RBMS1: variants seen among roughly 807,000 people sequenced by gnomAD.
The protein encoded by RBMS1 is RNA binding motif single stranded interacting protein 1, also known as RNA-binding motif, single-stranded-interacting protein 1.
A neutral mutation model predicts 62.3 loss-of-function variants in RBMS1; 17 were observed. The ratio of observed to expected loss-of-function variants is 0.27; its 90% CI spans 0.19 to 0.41. The LOEUF (loss-of-function observed/expected upper bound fraction) is 0.41, where lower values mean the gene tolerates loss of function less well. Ranked by LOEUF, RBMS1 falls within the 10% of genes least tolerant of loss-of-function variation. The pLI is 1.00. For synonymous variants in RBMS1, 172 were observed against 170.0 expected (o/e 1.01, Z -0.09); for missense variants, 334 against 504.5 (o/e 0.66, Z 3.24).
intron 1 of RBMS1, among the ~76,000 whole-genome samples, chr2:160,434,548 T>C (rs1412297823): frequency 6.6e-6 from 1 of 151,822 alleles, no homozygotes; most frequent in Non-Finnish European, 1.5e-5. Flanking sequence ...TGCTATCCAT[T>C]AGAATTTTCT....
At chr2:160,366,760 G>C (rs1693419600) in intron 2 of RBMS1, among the ~76,000 whole-genome samples, 1 of 152,080 alleles carries the variant, frequency 6.6e-6, no homozygotes, top group Non-Finnish European at 1.5e-5. Context: ...ATGCTAATGG[G>C]GACAGACTAA....
chr2:160,463,988 A>G (rs1684576010), intron 1 of RBMS1, among the ~76,000 whole-genome samples: 2 of 152,224 alleles, frequency 1.3e-5, no homozygotes. Flanking sequence ...ACTTAAAAAA[A>G]CACACATACA....
intron 2 of RBMS1, among the ~76,000 whole-genome samples, chr2:160,320,439 C>T (rs1002272216): frequency 1.3e-5 from 2 of 152,180 alleles, no homozygotes; most frequent in African/African-American, 4.8e-5. Context: ...CGTCACTGCA[C>T]TCCAGTCTGG....
At chr2:160,396,779 G>T (rs1261412246) in intron 1 of RBMS1, among the ~76,000 whole-genome samples, 2 of 151,960 alleles carry the variant, frequency 1.3e-5, no homozygotes, top group Admixed American at 1.3e-4. Context: ...TGGTCAGGCT[G>T]GTCTCGAACT....
chr2:160,457,235 A>G, intron 1 of RBMS1, among the ~76,000 whole-genome samples: 1 of 151,880 alleles, frequency 6.6e-6, no homozygotes, highest in Non-Finnish European at 1.5e-5. Flanking sequence ...GGTTCAAGTG[A>G]TTATCCTGCC....
At chr2:160,277,920 C>T (rs1687919283) in intron 11 of RBMS1, 1 of 157,690 alleles carries the variant, frequency 6.3e-6, no homozygotes, top group Admixed American at 6.0e-5. Context: ...ATATGTGTGG[C>T]CCTGGCTTAG....
intron 1 of RBMS1, among the ~76,000 whole-genome samples, chr2:160,369,143 A>G (rs940207824): frequency 1.3e-5 from 2 of 152,220 alleles, no homozygotes; most frequent in African/African-American, 4.8e-5. Flanking sequence ...TTGAACTGGG[A>G]ACATCGGTAT....
At chr2:160,287,419 A>T (rs1359140521) in intron 6 of RBMS1, among the ~76,000 whole-genome samples, 1 of 152,076 alleles carries the variant, frequency 6.6e-6, no homozygotes, top group Non-Finnish European at 1.5e-5. Context: ...ATAATCTTCA[A>T]ATTCAATAGG....
intron 2 of RBMS1, among the ~76,000 whole-genome samples, chr2:160,345,447 T>A (rs1303106176): frequency 1.4e-5 from 2 of 144,092 alleles, no homozygotes; most frequent in Non-Finnish European, 3.1e-5. Flanking sequence ...AGACCTGAAG[T>A]AGAGATTAGA....
At chr2:160,372,949 T>C (rs1268699501) in intron 1 of RBMS1, among the ~76,000 whole-genome samples, 1 of 152,150 alleles carries the variant, frequency 6.6e-6, no homozygotes, top group Non-Finnish European at 1.5e-5. Context: ...GTCTCACTTA[T>C]ACATACCATG....
chr2:160,436,807 T>A (rs1683130310), intron 1 of RBMS1, among the ~76,000 whole-genome samples: 1 of 152,168 alleles, frequency 6.6e-6, no homozygotes, highest in Non-Finnish European at 1.5e-5. Context: ...TCCTGCTACA[T>A]TCGTCCCATT....
intron 1 of RBMS1, among the ~76,000 whole-genome samples, chr2:160,401,437 T>TA (rs1450399700): frequency 3.9e-5 from 6 of 152,338 alleles, no homozygotes; most frequent in African/African-American, 1.4e-4. Context: ...CACCTTATCC[T>TA]AATTCCAGGA....
chr2:160,311,232 C>CTATCTATATATATATA (rs1381483574), intron 4 of RBMS1, among the ~76,000 whole-genome samples: 2 of 79,256 alleles, frequency 2.5e-5, no homozygotes, highest in Non-Finnish European at 5.0e-5. Flanking sequence ...ATCTATCTAT[C>CTATCTATATATATATA]TATATATATA....
chr2:160,398,729 G>A (rs543829146), intron 1 of RBMS1, among the ~76,000 whole-genome samples: 1 of 152,196 alleles, frequency 6.6e-6, no homozygotes, highest in African/African-American at 2.4e-5. Context: ...TAGAAAGGCT[G>A]GGTTTTTCCT....
At chr2:160,453,383 C>A (rs1404169340) in intron 1 of RBMS1, among the ~76,000 whole-genome samples, 1 of 152,162 alleles carries the variant, frequency 6.6e-6, no homozygotes, top group African/African-American at 2.4e-5. Flanking sequence ...AAAAGCATTT[C>A]CCCTTGACTC....
intron 1 of RBMS1, among the ~76,000 whole-genome samples, chr2:160,483,797 A>G (rs1045407048): frequency 6.6e-6 from 1 of 152,008 alleles, no homozygotes; most frequent in Non-Finnish European, 1.5e-5. Flanking sequence ...ACACTTTGAA[A>G]CTGTTCAGAC....
At chr2:160,491,484 G>A (rs1299530355) in intron 1 of RBMS1, among the ~76,000 whole-genome samples, 3 of 152,186 alleles carry the variant, frequency 2.0e-5, no homozygotes, top group Non-Finnish European at 4.4e-5. Context: ...CTTGCCGTTT[G>A]TCTCTCTCTT....
At chr2:160,320,188 C>A (rs1690476712) in intron 2 of RBMS1, among the ~76,000 whole-genome samples, 1 of 152,242 alleles carries the variant, frequency 6.6e-6, no homozygotes. Context: ...TGATTCCCAG[C>A]TGAGCATGGT....
chr2:160,359,397 T>G (rs1692998448), intron 2 of RBMS1, among the ~76,000 whole-genome samples: 2 of 152,152 alleles, frequency 1.3e-5, no homozygotes. Context: ...TAACTAAGGG[T>G]ATGTTCAGGC....
Sources: gnomAD v4.1 joint callset for allele counts (sites outside exome capture counted in the v4.1 genomes callset) on GRCh38, gnomAD v4.1.1 for gene constraint, MANE v1.5 for transcripts, NCBI Gene and HGNC (gene_info 2026-07-23, HGNC 2026-07-21) for gene names.